Variants in PICALM observed in about 807,000 individuals in gnomAD.
The protein encoded by PICALM is phosphatidylinositol-binding clathrin assembly protein.
In PICALM, 40 loss-of-function variants were observed where a neutral mutation model predicts 80.5. The observed-to-expected ratio is 0.50, with a 90% CI of 0.39 to 0.65. PICALM has a LOEUF of 0.65. Among genes scored for constraint, PICALM ranks in the 30% least tolerant of loss-of-function variants. The pLI is 0.00. For synonymous variants in PICALM, 288 were observed against 260.3 expected, an observed-to-expected ratio of 1.11 and a Z score of -1.02; for missense variants, 676 against 778.9, an observed-to-expected ratio of 0.87 and a Z score of 1.57.
At chr11:86,048,610 G>A (rs111955441) in intron 1 of PICALM, among the ~76,000 whole-genome samples, 24,010 of 151,612 alleles carry the variant, frequency 0.16, 2,448 homozygotes, top group Middle Eastern at 0.24. Context: ...GAGGCGGGCA[G>A]ATCACAACAT....
intron 8 of PICALM, among the ~76,000 whole-genome samples, chr11:86,003,952 A>C (rs2095217918): frequency 6.6e-6 from 1 of 152,204 alleles, no homozygotes; most frequent in African/African-American, 2.4e-5. Context: ...TGCAGTATCA[A>C]ATGTTGGTGA....
At chr11:86,040,855 C>A (rs2095950997) in intron 1 of PICALM, among the ~76,000 whole-genome samples, 1 of 152,058 alleles carries the variant, frequency 6.6e-6, no homozygotes, top group African/African-American at 2.4e-5. Context: ...AAGTATATGC[C>A]AAATACTTAG....
upstream of PICALM, chr11:86,069,706 C>T (rs561967670): frequency 2.0e-5 from 3 of 152,392 alleles, no homozygotes; most frequent in Non-Finnish European, 2.9e-5. Flanking sequence ...TTGAAGCTCT[C>T]CTTATTTACT....
intron 1 of PICALM, among the ~76,000 whole-genome samples, chr11:86,046,171 A>AC (rs2096068842): frequency 1.3e-5 from 2 of 152,340 alleles, no homozygotes; most frequent in South Asian, 4.1e-4. Context: ...GATAATGAAG[A>AC]TTTTAATTTG....
chr11:85,970,933 T>C (rs2094089420), intron 19 of PICALM, among the ~76,000 whole-genome samples: 1 of 152,220 alleles, frequency 6.6e-6, no homozygotes, highest in African/African-American at 2.4e-5. Context: ...CATGAGTGAC[T>C]ATTGCAAAAC....
Position 86,069,045 on chromosome 11 carries a change from C to T in PICALM, c.-265G>A. The T allele has an allele frequency of 4.5e-6, 2 of 441,846 alleles. No individual in the cohort carries two copies. Among genetic ancestry groups the T allele is most frequent in the East Asian group, 3.9e-5 (1 of 25,922 alleles). 27.4% of individuals were successfully genotyped at this position (441,846 alleles called of 1,614,324 possible). ...CACCCCTTCCCGGGTCAGCTGGAGC[C>T]GGGCAGGGTAAGAGGAACAGGCAGC... On this transcript the variant is annotated 5_prime_UTR_variant, in exon 1 of 20. Coordinates refer to ENST00000393346, the MANE Select transcript of PICALM (RefSeq NM_007166.4).
intron 13 of PICALM, among the ~76,000 whole-genome samples, chr11:85,985,864 A>C (rs943359253): frequency 6.6e-6 from 1 of 152,214 alleles, no homozygotes; most frequent in Non-Finnish European, 1.5e-5. Flanking sequence ...CCAATATATC[A>C]AATTCCCATT....
rs1254336020 is a variant in PICALM, at chr11:86,001,017, G to A, written c.1017+18C>T. On this transcript the variant is annotated intron_variant, in intron 10 of 19. Transcript: ENST00000393346. ...ACCTGTACTCATTTTTCGAAATAAGGAGAATGCACAAACTTACCTTTAAAG... is the reference window on the plus strand; with the variant it reads ...ACCTGTACTCATTTTTCGAAATAAGAAGAATGCACAAACTTACCTTTAAAG... 1.9e-6 allele frequency: 3 copies of A among 1,613,016 alleles called. No individual in the cohort carries two copies. In the Admixed American group the frequency reaches 5.0e-5, roughly 27 times the overall value.
At chr11:85,964,314 A>C (rs17148629) in intron 19 of PICALM, among the ~76,000 whole-genome samples, 7,834 of 152,290 alleles carry the variant, frequency 0.051, 338 homozygotes, top group African/African-American at 0.12. Flanking sequence ...GTAGAAACTT[A>C]ACAATGCTGT....
At chr11:85,990,008 C>CAAAAAAAAAAAAAAAA (rs5793177) in intron 13 of PICALM, among the ~76,000 whole-genome samples, 1 of 89,328 alleles carries the variant, frequency 1.1e-5, no homozygotes, top group African/African-American at 4.6e-5. Flanking sequence ...AACCAAACAC[C>CAAAAAAAAAAAAAAAA]AAAAAAAAAA....
intron 7 of PICALM, among the ~76,000 whole-genome samples, chr11:86,009,759 G>C (rs2095359271): frequency 6.6e-6 from 1 of 152,008 alleles, no homozygotes; most frequent in Non-Finnish European, 1.5e-5. Context: ...AACATAAAAG[G>C]CCAAGAGGGA....
At chr11:86,044,309 G>T (rs1222040965) in intron 1 of PICALM, among the ~76,000 whole-genome samples, 3 of 152,126 alleles carry the variant, frequency 2.0e-5, no homozygotes, top group African/African-American at 4.8e-5. Flanking sequence ...TGGCCTGGAG[G>T]CCTATGGAAC....
intron 1 of PICALM, among the ~76,000 whole-genome samples, chr11:86,068,291 G>A (rs1372590855): frequency 6.6e-6 from 1 of 152,216 alleles, no homozygotes. Context: ...GGCGGCACCG[G>A]ACGGGTGGGA....
intron 3 of PICALM, among the ~76,000 whole-genome samples, chr11:86,025,217 T>C (rs1160395104): frequency 1.3e-5 from 2 of 152,104 alleles, no homozygotes; most frequent in African/African-American, 2.4e-5. Context: ...CTGGCCAACA[T>C]GGTGAAACCC....
At chr11:86,036,323 T>C (rs930479341) in intron 1 of PICALM, among the ~76,000 whole-genome samples, 3 of 152,332 alleles carry the variant, frequency 2.0e-5, no homozygotes, top group Middle Eastern at 6.8e-3. Context: ...AAAGGGATCA[T>C]AAAATATGGT....
intron 14 of PICALM, among the ~76,000 whole-genome samples, chr11:85,982,656 T>A (rs556921542): frequency 1.3e-5 from 2 of 149,480 alleles, no homozygotes; most frequent in African/African-American, 4.9e-5. Flanking sequence ...CTCGATCTCC[T>A]GACCTCATGA....
chr11:86,068,748 A>C lies in PICALM; in HGVS notation c.33T>G (p.Thr11=). The C allele has an allele frequency of 6.2e-7, 1 of 1,612,098 alleles. No homozygotes were observed. Residue 11 remains threonine (T), a synonymous_variant, in exon 1 of 20, where the codon ACT becomes ACG. Transcript: ENST00000393346. MSGQSLTDRI[T]AAQHSVTGSA... ...AGCCGGTGACACTGTGCTGGGCGGC[A>C]GTGATTCGGTCCGTCAGGCTCTGGC... is the stretch of plus-strand genomic sequence containing the variant.
intron 19 of PICALM, among the ~76,000 whole-genome samples, chr11:85,968,060 G>T (rs1040027681): frequency 6.6e-6 from 1 of 152,200 alleles, no homozygotes; most frequent in Non-Finnish European, 1.5e-5. Flanking sequence ...TTGGCCAGGA[G>T]CAGTGGCTCA....
Position 85,961,281 on chromosome 11 carries a change from C to T in PICALM, c.1945-2221G>A, listed in dbSNP as rs181584256. ...CGAAAAGTCCTGTCCTAGGTTCACA[C>T]ACTTTTTACACGAAGTTGTCTCCTG... On this transcript the variant is annotated intron_variant, in intron 19 of 19. Transcript: ENST00000393346. Among the ~76,000 whole-genome samples, 457 of 152,332 alleles carry T rather than the reference C, an allele frequency of 3.0e-3. 8 individuals are homozygous for T. The highest frequency in any genetic ancestry group is 1.7e-3 in the East Asian group (9 of 5,182).
Sources: allele counts gnomAD v4.1 joint callset (sites outside exome capture counted in the v4.1 genomes callset), GRCh38; gene constraint gnomAD v4.1.1; transcripts MANE v1.5; gene names NCBI Gene and HGNC (gene_info 2026-07-23, HGNC 2026-07-21).